ARL10: variants seen among roughly 807,000 people sequenced by gnomAD.
ARL10 encodes ARF like GTPase 10.
In ARL10, 23 loss-of-function variants were observed where a neutral mutation model predicts 26.1. The observed-to-expected ratio is 0.88, with a 90% CI of 0.63 to 1.25. The LOEUF (loss-of-function observed/expected upper bound fraction) is 1.25. Ranked by LOEUF, ARL10 falls within the 50% of genes most tolerant of loss-of-function variation. ARL10 has a pLI of 0.00. For synonymous variants in ARL10, 138 were observed against 149.1 expected (o/e 0.93, Z 0.54); for missense variants, 300 against 323.6 (o/e 0.93, Z 0.56).
downstream of ARL10, among the ~76,000 whole-genome samples, chr5:176,391,481 A>G (rs577070248): frequency 6.6e-6 from 1 of 152,300 alleles, no homozygotes; most frequent in South Asian, 2.1e-4. Flanking sequence ...ATGTGGTGGC[A>G]CGTGCCTGTA....
downstream of ARL10, chr5:176,385,308 G>T: frequency 6.2e-7 from 1 of 1,608,220 alleles, no homozygotes; most frequent in Non-Finnish European, 8.5e-7. Flanking sequence ...TTTCTGGAAG[G>T]CTGGCTTCTG....
intron 1 of ARL10, among the ~76,000 whole-genome samples, chr5:176,397,294 A>G (rs780140548): frequency 2.6e-5 from 4 of 151,594 alleles, no homozygotes; most frequent in Non-Finnish European, 4.4e-5. Context: ...GTGTTCAGTC[A>G]TGTCCCCACA....
At chr5:176,388,132 G>A in intron 1 of ARL10, 1 of 843,580 alleles carries the variant, frequency 1.2e-6, no homozygotes, top group Non-Finnish European at 1.9e-6. Flanking sequence ...AAACTCGGAA[G>A]GGCCTGAGGG....
At chr5:176,401,922 G>C (rs1183584090), downstream of ARL10, 1 of 357,978 alleles carries the variant, frequency 2.8e-6, no homozygotes, top group Non-Finnish European at 5.6e-6. Context: ...ACCACTGCTG[G>C]TCTCTGCTTC....
chr5:176,373,561 T>TA lies in ARL10; in HGVS notation c.*1671dup, dbSNP rs1353629155. The TA allele has an allele frequency of 2.0e-5, 3 of 152,280 alleles. No homozygotes were observed. Among genetic ancestry groups the TA allele is most frequent in the African/African-American group, 7.2e-5 (3 of 41,456 alleles). 9.4% of individuals were successfully genotyped at this position (152,280 alleles called of 1,614,324 possible). ...ACCAGTGTAAGAAGAGGAACTATGA[T>TA]AAAAACAGTTCAACAAGCCGCAAGG... On this transcript the variant is annotated 3_prime_UTR_variant, in exon 4 of 4. Coordinates refer to ENST00000310389, the MANE Select transcript of ARL10 (RefSeq NM_173664.6).
chr5:176,368,684 G>A lies in ARL10; in HGVS notation c.386-123G>A. The A allele has an allele frequency of 8.4e-7, 1 of 1,192,226 alleles. No homozygotes were observed. The highest frequency in any genetic ancestry group is 1.6e-5 in the South Asian group (1 of 62,226). The allele number at this position is 1,192,226 out of a possible 1,614,324, so 73.9% of individuals were successfully genotyped here. ...GGGTGGGGTGGGGGCTGTGGGCAGT[G>A]AGCGGGGGCCCGGGGTGGGGTGGGG... On this transcript the variant is annotated intron_variant, in intron 2 of 3. Transcript: ENST00000310389. The surrounding 1 kb of genome is among the most constrained non-coding windows in gnomAD (Gnocchi z 4.1).
downstream of ARL10, chr5:176,386,663 G>C: frequency 1.4e-6 from 1 of 704,894 alleles, no homozygotes; most frequent in South Asian, 1.5e-5. Flanking sequence ...GGTTTAGTCA[G>C]TACAATGAAA....
downstream of ARL10, among the ~76,000 whole-genome samples, chr5:176,402,247 G>A (rs896839530): frequency 3.9e-5 from 6 of 152,286 alleles, no homozygotes; most frequent in East Asian, 1.2e-3. Context: ...GCAGTGAGCC[G>A]AGATCGTGCC....
At chr5:176,406,578 C>G, downstream of ARL10, 1 of 1,288,850 alleles carries the variant, frequency 7.8e-7, no homozygotes, top group Non-Finnish European at 1.0e-6. Context: ...GGTGGGGAGG[C>G]GGAGTCCTGC....
Position 176,375,147 on chromosome 5 carries a change from C to CCCACCCACCCATCCAT in ARL10, c.*3264_*3279dup, listed in dbSNP as rs1408003530. The CCCACCCACCCATCCAT allele has an allele frequency of 2.4e-5, 2 of 83,002 alleles. No individual in the cohort carries two copies. The highest frequency in any genetic ancestry group is 1.3e-4 in the Admixed American group (1 of 7,670). The allele number at this position is 83,002 out of a possible 1,614,324, so 5.1% of individuals were successfully genotyped here. Reference sequence around the variant, plus strand: ...ACCCGTCCACCCGTCCACCCATCCACCCACCCACCCATCCATCCACCCACC... The same window carrying CCCACCCACCCATCCAT: ...ACCCGTCCACCCGTCCACCCATCCACCCACCCACCCATCCATCCACCCACCCATCCATCCACCCACC... On this transcript the variant is annotated 3_prime_UTR_variant, in exon 4 of 4. Coordinates refer to ENST00000310389, the MANE Select transcript of ARL10 (RefSeq NM_173664.6).
chr5:176,396,194 G>A, intron 1 of ARL10, among the ~76,000 whole-genome samples: 1 of 152,090 alleles, frequency 6.6e-6, no homozygotes, highest in East Asian at 1.9e-4. Context: ...GAGGGAGGGA[G>A]TTGGGGTGCT....
the ARL10 span, chr5:176,410,279 G>A: frequency 1.2e-6 from 2 of 1,614,050 alleles, no homozygotes; most frequent in Admixed American, 1.7e-5. Flanking sequence ...TCCATTGACT[G>A]TGGTCCCCAT....
At chr5:176,392,965 G>A (rs751172533), downstream of ARL10, 32 of 1,613,766 alleles carry the variant, frequency 2.0e-5, 1 homozygote, top group East Asian at 2.9e-4. This position sits in a 1 kb window ranked among gnomAD's most constrained non-coding sequence, Gnocchi z 5.2. Flanking sequence ...GAGATAGGAC[G>A]GGCTTTTATA....
Position 176,371,918 on chromosome 5 carries a change from C to T in ARL10, c.*23C>T. 6.2e-7 allele frequency: 1 copy of T among 1,610,596 alleles called. No individual in the cohort carries two copies. The highest frequency in any genetic ancestry group is 8.5e-7 in the Non-Finnish European group (1 of 1,178,122). On this transcript the variant is annotated 3_prime_UTR_variant, in exon 4 of 4. Transcript: ENST00000310389. ...TAGGCTGGAGCTCTCCTGCTTGCCA[C>T]CTGCCTGTCAAGACCATAGTTGTAC... is the stretch of plus-strand genomic sequence containing the variant.
At chr5:176,388,427 C>T in exon 2 of ARL10, 1 of 1,614,090 alleles carries the variant, frequency 6.2e-7, no homozygotes, top group South Asian at 1.1e-5. Flanking sequence ...ACCCCAGCCC[C>T]CTCACCATTC....
At chr5:176,405,979 G>C (rs942164361), downstream of ARL10, among the ~76,000 whole-genome samples, 4 of 152,126 alleles carry the variant, frequency 2.6e-5, no homozygotes, top group African/African-American at 9.6e-5. Flanking sequence ...ACACCTGCTG[G>C]CCCTCCGTGC....
At chr5:176,385,393 C>T (rs149591080), downstream of ARL10, 106 of 961,578 alleles carry the variant, frequency 1.1e-4, no homozygotes, top group Non-Finnish European at 1.7e-4. Flanking sequence ...TTTGAGCTGT[C>T]CAATCACCCC....
At chr5:176,371,117 G>A (rs1317286258) in intron 3 of ARL10, among the ~76,000 whole-genome samples, 1 of 152,236 alleles carries the variant, frequency 6.6e-6, no homozygotes, top group Non-Finnish European at 1.5e-5. Context: ...GCTCATGCCT[G>A]TAATCCCAGC....
chr5:176,384,904 G>C, downstream of ARL10: 3 of 546,566 alleles, frequency 5.5e-6, no homozygotes, highest in Non-Finnish European at 9.7e-6. Flanking sequence ...TCTTTCAACT[G>C]TTAAAGGAAG....
Sources: allele counts gnomAD v4.1 joint callset (sites outside exome capture counted in the v4.1 genomes callset), GRCh38; gene constraint gnomAD v4.1.1; non-coding constraint Gnocchi (gnomAD v3.1); transcripts MANE v1.5; gene names NCBI Gene and HGNC (gene_info 2026-07-23, HGNC 2026-07-21).